CUL3: variants seen among roughly 807,000 people sequenced by gnomAD.
CUL3 encodes the protein cullin 3, also known as cullin-3.
A neutral mutation model predicts 89.1 loss-of-function variants in CUL3; 19 were observed. The ratio of observed to expected loss-of-function variants is 0.21; its 90% confidence interval spans 0.15 to 0.31. The LOEUF (loss-of-function observed/expected upper bound fraction) is 0.31, where lower values mean the gene tolerates loss of function less well. Ranked by LOEUF, CUL3 falls within the 10% of genes least tolerant of loss-of-function variation. The pLI is 1.00. For missense variants in CUL3, 469 were observed against 942.3 expected, an observed-to-expected ratio of 0.50 and a Z score of 6.58; for synonymous variants, 351 against 308.4, an observed-to-expected ratio of 1.14 and a Z score of -1.45.
At chr2:224,569,839 G>C (rs911089085) in intron 1 of CUL3, 4 of 1,013,578 alleles carry the variant, frequency 3.9e-6, no homozygotes, top group Non-Finnish European at 4.7e-6. Context: ...AAAAAATTTA[G>C]AACAGGGTGG....
chr2:224,519,016 A>G (rs1398070589), intron 3 of CUL3, among the ~76,000 whole-genome samples: 2 of 152,266 alleles, frequency 1.3e-5, no homozygotes, highest in Non-Finnish European at 1.5e-5. Flanking sequence ...ATGATGCTTC[A>G]GTAAAGGAAG....
intron 1 of CUL3, among the ~76,000 whole-genome samples, chr2:224,584,182 G>A (rs1409765182): frequency 2.0e-5 from 3 of 152,138 alleles, no homozygotes; most frequent in East Asian, 1.9e-4. Flanking sequence ...CACTGAAAGC[G>A]ATGAAACAAA....
Position 224,495,813 on chromosome 2 carries a change from A to T in CUL3, c.1842+19T>A, listed in dbSNP as rs1265721109. 6.3e-7 allele frequency: 1 copy of T among 1,589,204 alleles called. No homozygotes were observed. The highest frequency in any genetic ancestry group is 8.6e-7 in the Non-Finnish European group (1 of 1,161,916). ...GTTAGAAACAACACAGTTAAAATGT[A>T]TATAACCACAATCCATACCTCAAAT... On this transcript the variant is annotated intron_variant, in intron 13 of 15. Coordinates refer to ENST00000264414, the MANE Select transcript of CUL3 (RefSeq NM_003590.5).
chr2:224,511,722 ACG>A (rs1367587366), intron 5 of CUL3, 140 bp from the exon 6 acceptor site: 1 of 558,096 alleles, frequency 1.8e-6, no homozygotes, highest in African/African-American at 1.9e-5. Flanking sequence ...TTCTCATTAC[ACG>A]AAAGACTGAT....
Position 224,474,086 on chromosome 2 carries a change from G to GA in CUL3, c.*158dup. ...CCTGAAGCTCAATCAACTGATGTTG[G>GA]AAACTCTCAAAGGGAGTAAAGGCTT... On this transcript the variant is annotated 3_prime_UTR_variant, in exon 16 of 16. Coordinates refer to ENST00000264414, the MANE Select transcript of CUL3 (RefSeq NM_003590.5). The GA allele has an allele frequency of 1.6e-6, 1 of 606,234 alleles. No homozygotes were observed. The highest frequency in any genetic ancestry group is 3.7e-5 in the South Asian group (1 of 27,206). The allele number at this position is 606,234 out of a possible 1,614,324, so 37.6% of individuals were successfully genotyped here. A position where few individuals can be genotyped will look rare whatever the true frequency, so the allele number is the denominator to read the frequency against.
At chr2:224,568,210 T>C (rs1327988115) in intron 1 of CUL3, among the ~76,000 whole-genome samples, 3 of 152,170 alleles carry the variant, frequency 2.0e-5, no homozygotes, top group Non-Finnish European at 4.4e-5. Context: ...TTCCGTGATA[T>C]TTTATAGTGT....
At position 224,577,874 on chromosome 2, in the gene CUL3, A is replaced by T. The variant is rs969960402; in HGVS notation, c.66+7070T>A. ...AGTTAAACGGATACAACCTTGAGAA[A>T]TATAATTAATTCTTAAGAGTGCTCA... On this transcript the variant is annotated intron_variant, in intron 1 of 15. Transcript: ENST00000264414. Among the ~76,000 whole-genome samples the T allele has an allele frequency of 1.1e-4, 17 of 152,210 alleles. 1 individual carries two copies. Among genetic ancestry groups the T allele is most frequent in the Admixed American group, 1.1e-3 (17 of 15,286 alleles).
chr2:224,535,390 A>C, intron 3 of CUL3, 138 bp downstream of exon 3: 1 of 518,036 alleles, frequency 1.9e-6, no homozygotes, highest in Non-Finnish European at 3.4e-6. Flanking sequence ...GGCTGGTCTC[A>C]ATGTCCTGAC....
intron 2 of CUL3, among the ~76,000 whole-genome samples, chr2:224,535,922 C>T (rs572193891): frequency 2.0e-5 from 3 of 152,226 alleles, no homozygotes; most frequent in Non-Finnish European, 4.4e-5. Flanking sequence ...AGAGTAAAAT[C>T]CTATATTCTT....
chr2:224,530,053 A>G (rs563344931), intron 3 of CUL3, among the ~76,000 whole-genome samples: 1 of 152,210 alleles, frequency 6.6e-6, no homozygotes, highest in East Asian at 1.9e-4. Context: ...GATGGCTAAC[A>G]CAGTGAAACC....
chr2:224,511,903 T>C (rs140738143), intron 5 of CUL3, among the ~76,000 whole-genome samples: 227 of 152,274 alleles, frequency 1.5e-3, no homozygotes, highest in Non-Finnish European at 1.9e-3. Context: ...GACTCCAAGA[T>C]ACAGTGGGAC....
At position 224,470,570 on chromosome 2, in the gene CUL3, G is replaced by A. The variant is rs933404090; in HGVS notation, c.*3675C>T. The A allele has an allele frequency of 4.3e-6, 1 of 231,532 alleles. No homozygotes were observed. The highest frequency in any genetic ancestry group is 8.5e-6 in the Non-Finnish European group (1 of 117,092). The allele number at this position is 231,532 out of a possible 1,614,324, so 14.3% of individuals were successfully genotyped here. A position where few individuals can be genotyped will look rare whatever the true frequency, so the allele number is the denominator to read the frequency against. On this transcript the variant is annotated 3_prime_UTR_variant, in exon 16 of 16. Transcript: ENST00000264414. ...AAAGGCACACAAAGGAAAACATTTT[G>A]TAAAACTGTAGATTTGAATTTAAGG...
intron 2 of CUL3, among the ~76,000 whole-genome samples, chr2:224,555,410 C>T (rs1220447338): frequency 6.6e-6 from 1 of 152,102 alleles, no homozygotes; most frequent in Non-Finnish European, 1.5e-5. Context: ...ATTTTATAAA[C>T]CTCCTCTCAA....
In CUL3 at chr2:224,517,218, C is replaced by A. The variant is rs973294352; in HGVS notation, c.379-2446G>T. On this transcript the variant is annotated intron_variant, in intron 3 of 15. Coordinates refer to ENST00000264414, the MANE Select transcript of CUL3 (RefSeq NM_003590.5). ...GAGAATACCTTTTAACCAATGTGAT[C>A]AAAAACACTATCTGAATGGCTAAAG... Among the ~76,000 whole-genome samples the A allele has an allele frequency of 3.3e-5, 5 of 152,226 alleles. No individual in the cohort carries two copies. The South Asian group carries it at 1.0e-3, about 32-fold the overall frequency.
chr2:224,488,976 G>C (rs1023607157), intron 13 of CUL3, among the ~76,000 whole-genome samples: 9 of 152,104 alleles, frequency 5.9e-5, no homozygotes, highest in African/African-American at 2.2e-4. Flanking sequence ...ATCAATAAAC[G>C]TAATCCACCA....
intron 3 of CUL3, among the ~76,000 whole-genome samples, chr2:224,532,482 G>C (rs1301774799): frequency 6.6e-6 from 1 of 151,080 alleles, no homozygotes; most frequent in Admixed American, 6.6e-5. Flanking sequence ...AAAACAAGGA[G>C]AATGGGGATT....
In CUL3 at chr2:224,585,127, G is replaced by C. The variant is rs1695550733; in HGVS notation, c.-118C>G. The C allele has an allele frequency of 1.4e-6, 1 of 722,926 alleles. No homozygotes were observed. Among genetic ancestry groups the C allele is most frequent in the Non-Finnish European group, 1.9e-6 (1 of 528,304 alleles). The allele number at this position is 722,926 out of a possible 1,614,324, so 44.8% of individuals were successfully genotyped here. On this transcript the variant is annotated 5_prime_UTR_variant, in exon 1 of 16. Transcript: ENST00000264414. ...GGGGGCGGCGGCGGCGCGACCCCCG[G>C]GCAGGGCTGGGGAGCTGGCCGGCCC... is the stretch of plus-strand genomic sequence containing the variant.
intron 11 of CUL3, among the ~76,000 whole-genome samples, chr2:224,498,791 C>T (rs1294779092): frequency 6.6e-6 from 1 of 152,172 alleles, no homozygotes; most frequent in Non-Finnish European, 1.5e-5. Context: ...GGATTAAAAC[C>T]TAGCTGCTTT....
At chr2:224,503,943 C>CA (rs1185960674) in intron 8 of CUL3, 121 bp from the exon 9 acceptor site, 6 of 702,008 alleles carry the variant, frequency 8.5e-6, no homozygotes, top group Middle Eastern at 4.1e-4. Context: ...TGACATACAT[C>CA]AAAAAAAGGG....
Sources: allele counts gnomAD v4.1 joint callset (sites outside exome capture counted in the v4.1 genomes callset), GRCh38; gene constraint gnomAD v4.1.1; transcripts MANE v1.5; gene names NCBI Gene and HGNC (gene_info 2026-07-23, HGNC 2026-07-21).